CLEC16A: variants seen among roughly 807,000 people sequenced by gnomAD.
The protein encoded by CLEC16A is protein CLEC16A.
CLEC16A carries 51 observed loss-of-function variants against 109.5 expected under a neutral mutation model. The observed-to-expected ratio is 0.47, with a 90% confidence interval of 0.37 to 0.59. The LOEUF (loss-of-function observed/expected upper bound fraction) is 0.59. Among genes scored for constraint, CLEC16A ranks in the 20% least tolerant of loss-of-function variants. The pLI is 0.00. For missense variants in CLEC16A, 1,339 were observed against 1,394.0 expected, an observed-to-expected ratio of 0.96 and a Z score of 0.63; for synonymous variants, 673 against 564.2, an observed-to-expected ratio of 1.19 and a Z score of -2.73.
intron 22 of CLEC16A, among the ~76,000 whole-genome samples, chr16:11,153,597 T>C (rs1448225197): frequency 6.6e-6 from 1 of 150,896 alleles, no homozygotes. Flanking sequence ...AAGTTGCCTG[T>C]AATGCAGAAT....
At chr16:11,172,949 C>T (rs528750640) in intron 23 of CLEC16A, among the ~76,000 whole-genome samples, 2 of 152,238 alleles carry the variant, frequency 1.3e-5, no homozygotes, top group Non-Finnish European at 2.9e-5. Context: ...TGATTGTCCC[C>T]TGAGGTTTTA....
chr16:11,170,694 A>G (rs2068473450), intron 23 of CLEC16A, among the ~76,000 whole-genome samples: 1 of 152,054 alleles, frequency 6.6e-6, no homozygotes, highest in African/African-American at 2.4e-5. Flanking sequence ...TCCCTGTCTC[A>G]GTGAATTATT....
At chr16:11,074,090 A>T (rs1006672902) in intron 19 of CLEC16A, among the ~76,000 whole-genome samples, 24 of 152,238 alleles carry the variant, frequency 1.6e-4, no homozygotes, top group African/African-American at 5.5e-4. Flanking sequence ...TTTGATTTCA[A>T]CGTTTGAGCT....
rs751580184 is a variant in CLEC16A at position 11,123,747 on chromosome 16, G to A, written c.2274G>A (p.Met758Ile). The change falls in exon 21 of 24, where the codon ATG (methionine) becomes ATA (isoleucine). Residue 758 changes from methionine to isoleucine, a missense_variant. By Grantham distance (10) the Met-to-Ile change is conservative. Transcript: ENST00000409790. ...CTTTGCTTCTCACTGTGCAGGACAT[G>A]CAGGTGACTGGCGTGGAGGACGACA... ...VVKFAGLLQD[M>I]QVTGVEDDSR... 1.9e-6 allele frequency: 3 copies of A among 1,613,964 alleles called. No individual in the cohort carries two copies. Among genetic ancestry groups the A allele is most frequent in the Non-Finnish European group, 2.5e-6 (3 of 1,179,918 alleles).
intron 13 of CLEC16A, chr16:11,027,133 C>T (rs2046452001): frequency 3.4e-6 from 5 of 1,474,710 alleles, no homozygotes; most frequent in Non-Finnish European, 4.7e-6. Flanking sequence ...GAACTTTTGG[C>T]AAAGAAGGAG....
At chr16:11,065,998 G>A (rs1241118586) in intron 19 of CLEC16A, among the ~76,000 whole-genome samples, 2 of 152,198 alleles carry the variant, frequency 1.3e-5, no homozygotes, top group African/African-American at 4.8e-5. Context: ...AGGGGCCTTC[G>A]AGCTGCACTG....
intron 19 of CLEC16A, among the ~76,000 whole-genome samples, chr16:11,093,559 G>A (rs1264100927): frequency 2.6e-5 from 4 of 152,260 alleles, no homozygotes; most frequent in East Asian, 1.9e-4. Flanking sequence ...TATCTATACC[G>A]CCTGGCACTG....
intron 11 of CLEC16A, among the ~76,000 whole-genome samples, chr16:11,018,699 A>G (rs1317586931): frequency 6.7e-6 from 1 of 149,192 alleles, no homozygotes; most frequent in African/African-American, 2.5e-5. Flanking sequence ...CAGTGAGCCG[A>G]GATCATGCTA....
chr16:11,104,935 TTCCTGGGC>T (rs2051128514), intron 19 of CLEC16A, among the ~76,000 whole-genome samples: 1 of 152,198 alleles, frequency 6.6e-6, no homozygotes. Flanking sequence ...GATACCCTTG[TTCCTGGGC>T]TGCTGGGCTG....
chr16:11,161,674 C>T (rs976269588), intron 22 of CLEC16A, among the ~76,000 whole-genome samples: 5 of 152,254 alleles, frequency 3.3e-5, no homozygotes, highest in African/African-American at 1.2e-4. Context: ...AACGCCCACA[C>T]GGCCAGGCAA....
intron 15 of CLEC16A, among the ~76,000 whole-genome samples, 173 bp from the exon 16 acceptor site, chr16:11,043,855 C>T (rs1008403358): frequency 4.0e-5 from 6 of 150,460 alleles, no homozygotes; most frequent in African/African-American, 1.5e-4. Flanking sequence ...GCCTGGGTGA[C>T]AGAACAAGAC....
rs548799792 is a variant in CLEC16A at position 11,142,519 on chromosome 16, C to T, written c.2641+16373C>T. On this transcript the variant is annotated intron_variant, in intron 22 of 23. Coordinates refer to ENST00000409790, the MANE Select transcript of CLEC16A (RefSeq NM_015226.3). Reference sequence around the variant, plus strand: ...CTTTTTCTCCTGCTTTTCACAGCCCCGGCTGGCTCTGAGCTAGAACTCTTT... The same window carrying T: ...CTTTTTCTCCTGCTTTTCACAGCCCTGGCTGGCTCTGAGCTAGAACTCTTT... 1.4e-4 allele frequency among the ~76,000 whole-genome samples: 21 copies of T among 152,318 alleles called. 1 individual carries two copies. In the South Asian group the frequency reaches 2.1e-3, roughly 15 times the overall value.
chr16:11,017,255 C>T (rs1023922842), intron 11 of CLEC16A, among the ~76,000 whole-genome samples: 1 of 152,120 alleles, frequency 6.6e-6, no homozygotes, highest in Admixed American at 6.6e-5. Flanking sequence ...TCAAGAGATA[C>T]TTATTGTGTG....
chr16:11,027,215 T>C, intron 13 of CLEC16A: 1 of 1,434,744 alleles, frequency 7.0e-7, no homozygotes, highest in Non-Finnish European at 9.7e-7. Context: ...AGCAGAAACC[T>C]GACAAGGTGC....
rs200634391 is a variant in CLEC16A at position 11,126,113 on chromosome 16, C to T, written c.2608C>T (p.Arg870Cys). Reference sequence around the variant, plus strand: ...GGGCAGCAGCGACCCCACAGTGCAGCGCTCCGTGTTTGCATCGGTGGACAA... The same window carrying T: ...GGGCAGCAGCGACCCCACAGTGCAGTGCTCCGTGTTTGCATCGGTGGACAA... ...RRGSSDPTVQ[R>C]SVFASVDKVP... The change falls in exon 22 of 24, where the codon CGC becomes TGC. Residue 870 changes from arginine to cysteine, a missense_variant. Around this residue, in one of 3 missense-constraint regions of CLEC16A, gnomAD observed 1,061 missense variants for 1,006.8 expected, o/e 1.05. Coordinates refer to ENST00000409790, the MANE Select transcript of CLEC16A (RefSeq NM_015226.3). The T allele has an allele frequency of 4.3e-6, 7 of 1,613,768 alleles. No individual in the cohort carries two copies. The highest frequency in any genetic ancestry group is 2.7e-5 in the African/African-American group (2 of 74,900).
At chr16:10,957,998 C>A in intron 2 of CLEC16A, 88 bp downstream of exon 2, 1 of 1,287,342 alleles carries the variant, frequency 7.8e-7, no homozygotes, top group Non-Finnish European at 1.1e-6. Context: ...TGGATGATGT[C>A]AGGATTTGAC....
At chr16:11,064,508 G>A (rs1038408061) in intron 19 of CLEC16A, among the ~76,000 whole-genome samples, 1 of 152,236 alleles carries the variant, frequency 6.6e-6, no homozygotes, top group Non-Finnish European at 1.5e-5. Flanking sequence ...TGGATGTGGT[G>A]ACTCACACCT....
chr16:11,119,021 A>G (rs966935463), intron 19 of CLEC16A, among the ~76,000 whole-genome samples: 3 of 151,948 alleles, frequency 2.0e-5, no homozygotes, highest in Non-Finnish European at 2.9e-5. Flanking sequence ...TTATTTTTTG[A>G]GACAAGGTCT....
chr16:11,018,748 CAAAAAAA>C (rs56911220), intron 11 of CLEC16A, among the ~76,000 whole-genome samples: 1 of 96,280 alleles, frequency 1.0e-5, no homozygotes, highest in African/African-American at 4.4e-5. Flanking sequence ...GACTCCATCT[CAAAAAAA>C]AAAAAAAAAA....
Sources: gnomAD v4.1 joint callset for allele counts (sites outside exome capture counted in the v4.1 genomes callset) on GRCh38, gnomAD v4.1.1 for gene constraint, gnomAD v4.1.1 regional missense constraint, MANE v1.5 for transcripts, NCBI Gene and HGNC (gene_info 2026-07-23, HGNC 2026-07-21) for gene names.